Variants in SSPN observed in about 807,000 individuals in gnomAD.
The protein encoded by SSPN is sarcospan, also known as K-ras oncogene-associated protein.
A neutral mutation model predicts 19.1 loss-of-function variants in SSPN; 15 were observed. The observed-to-expected ratio is 0.78, with a 90% CI of 0.52 to 1.21. SSPN has a LOEUF of 1.21. SSPN is among the 50% of genes most tolerant of loss of function. The pLI, the probability that SSPN is intolerant of heterozygous loss-of-function variation, is 0.00. For synonymous variants in SSPN, 147 were observed against 140.3 expected (o/e 1.05, Z -0.34); for missense variants, 291 against 314.0 (o/e 0.93, Z 0.55).
intron 1 of SSPN, among the ~76,000 whole-genome samples, chr12:26,209,561 A>T (rs1944963276): frequency 6.6e-6 from 1 of 151,690 alleles, no homozygotes. Context: ...ATTTAGGTTT[A>T]ATCTGCCTTT....
At chr12:26,215,689 T>C (rs2137490714) in intron 1 of SSPN, among the ~76,000 whole-genome samples, 1 of 152,304 alleles carries the variant, frequency 6.6e-6, no homozygotes, top group Admixed American at 6.5e-5. Flanking sequence ...TTGTTTTGCT[T>C]TGGGTTAGAG....
At chr12:26,185,525 C>G (rs1019047302) in intron 1 of SSPN, among the ~76,000 whole-genome samples, 2 of 152,126 alleles carry the variant, frequency 1.3e-5, no homozygotes. Context: ...ACCTCTACCC[C>G]CCTGGGCAGG....
intron 1 of SSPN, among the ~76,000 whole-genome samples, chr12:26,134,385 C>G (rs73082928): frequency 5.3e-4 from 81 of 152,334 alleles, no homozygotes; most frequent in Middle Eastern, 3.4e-3. Flanking sequence ...TCTATCAGCT[C>G]CCTTTGTGCC....
intron 2 of SSPN, among the ~76,000 whole-genome samples, chr12:26,228,596 C>T (rs1945200499): frequency 1.3e-5 from 2 of 151,840 alleles, no homozygotes. Flanking sequence ...CCATTGTTCC[C>T]AGAGCAAACT....
intron 1 of SSPN, chr12:26,124,960 A>ACACACACACG (rs200855945): frequency 3.8e-5 from 26 of 682,444 alleles, no homozygotes; most frequent in African/African-American, 2.6e-4. Context: ...CCGCGCTCGC[A>ACACACACACG]CACACACACG....
chr12:26,192,495 T>C (rs1355292974), upstream of SSPN, among the ~76,000 whole-genome samples: 1 of 152,258 alleles, frequency 6.6e-6, no homozygotes, highest in African/African-American at 2.4e-5. Context: ...GACAGTCTTA[T>C]CTATTTTAGC....
chr12:26,123,729 G>C, intron 1 of SSPN: 2 of 1,613,182 alleles, frequency 1.2e-6, no homozygotes, highest in Non-Finnish European at 1.7e-6. Flanking sequence ...GCTTTCTCCA[G>C]ATGTCCCAGA....
rs890674610 is a variant in SSPN, at chr12:26,134,008, G to A, written c.-31+11856G>A. On this transcript the variant is annotated intron_variant, in intron 1 of 2. Coordinates refer to the SSPN transcript ENST00000538142. The stretch of plus-strand genomic sequence containing the variant: ...TATAGCCAGAGCAATTTTTCTGTTC[G>A]TGTCATTCTCTTGATCAAAACTCTT... Among the ~76,000 whole-genome samples the A allele has an allele frequency of 7.2e-5, 11 of 152,172 alleles. 1 individual carries two copies. Among genetic ancestry groups the A allele is most frequent in the Non-Finnish European group, 5.9e-5 (4 of 68,002 alleles).
chr12:26,122,422 G>T, intron 1 of SSPN: 1 of 1,343,812 alleles, frequency 7.4e-7, no homozygotes, highest in South Asian at 1.7e-5. Context: ...TCCAGGAAGG[G>T]CTGCACGTAG....
At chr12:26,146,168 G>A (rs1158649942) in intron 1 of SSPN, among the ~76,000 whole-genome samples, 2 of 152,240 alleles carry the variant, frequency 1.3e-5, no homozygotes, top group African/African-American at 4.8e-5. Flanking sequence ...AAGTGGGGCA[G>A]GTGGTGGTGG....
intron 1 of SSPN, among the ~76,000 whole-genome samples, chr12:26,169,900 G>C (rs1275941651): frequency 1.3e-5 from 2 of 152,186 alleles, no homozygotes; most frequent in African/African-American, 4.8e-5. Context: ...GCAGGCTGTG[G>C]ACCCTAGAAA....
At chr12:26,144,055 T>C (rs886339786) in intron 1 of SSPN, among the ~76,000 whole-genome samples, 3 of 152,236 alleles carry the variant, frequency 2.0e-5, no homozygotes, top group African/African-American at 7.2e-5. Context: ...TATTTCATTC[T>C]ATATTACAAT....
chr12:26,191,897 TG>T (rs1944791315), upstream of SSPN, among the ~76,000 whole-genome samples: 1 of 152,242 alleles, frequency 6.6e-6, no homozygotes, highest in South Asian at 2.1e-4. Context: ...TAGTTACATA[TG>T]AAAAAGACTT....
At chr12:26,205,532 A>C (rs1252986475) in intron 1 of SSPN, among the ~76,000 whole-genome samples, 1 of 152,188 alleles carries the variant, frequency 6.6e-6, no homozygotes, top group Non-Finnish European at 1.5e-5. Context: ...GCCCTATCTC[A>C]CATTTAGCTA....
intron 1 of SSPN, among the ~76,000 whole-genome samples, chr12:26,183,081 T>C (rs1006354742): frequency 6.6e-6 from 1 of 152,108 alleles, no homozygotes; most frequent in Non-Finnish European, 1.5e-5. Context: ...GTACATACTT[T>C]AAAAAGTACA....
chr12:26,160,436 A>G (rs781097232), intron 1 of SSPN, among the ~76,000 whole-genome samples: 1 of 152,234 alleles, frequency 6.6e-6, no homozygotes, highest in Non-Finnish European at 1.5e-5. Flanking sequence ...CACACAAATA[A>G]CATCAGTGTG....
At chr12:26,184,703 T>G (rs1445721664) in intron 1 of SSPN, among the ~76,000 whole-genome samples, 1 of 152,166 alleles carries the variant, frequency 6.6e-6, no homozygotes, top group Non-Finnish European at 1.5e-5. Flanking sequence ...TAATTTCTCT[T>G]CTAGATGAGC....
At chr12:26,128,699 A>G (rs1250128882) in intron 1 of SSPN, among the ~76,000 whole-genome samples, 1 of 152,268 alleles carries the variant, frequency 6.6e-6, no homozygotes, top group Non-Finnish European at 1.5e-5. Context: ...GCTGAAAGCC[A>G]AGAAGATACA....
rs1945244271 is a variant in SSPN at position 26,232,515 on chromosome 12, A to G, written c.*1439A>G. On this transcript the variant is annotated 3_prime_UTR_variant, in exon 3 of 3. Transcript: ENST00000242729. ...GAAATTAAGATAATAATTGAGTTCA[A>G]TTCGCCTCTCCGCATTGCCTATTGA... 4.1e-6 allele frequency: 4 copies of G among 985,310 alleles called. No homozygotes were observed. Among genetic ancestry groups the G allele is most frequent in the Non-Finnish European group, 4.8e-6 (4 of 829,918 alleles). 61.0% of individuals were successfully genotyped at this position (985,310 alleles called of 1,614,324 possible).
Sources: gnomAD v4.1 joint callset for allele counts (sites outside exome capture counted in the v4.1 genomes callset) on GRCh38, gnomAD v4.1.1 for gene constraint, MANE v1.5 for transcripts, NCBI Gene and HGNC (gene_info 2026-07-23, HGNC 2026-07-21) for gene names.